The following ANK2 variants were observed in gnomAD, a reference collection of about 807,000 sequenced individuals.
ANK2 encodes the protein ankyrin 2, also known as ankyrin-2.
ANK2 carries 83 observed loss-of-function variants against 360.5 expected under a neutral mutation model. That is an observed-to-expected ratio of 0.23 (90% confidence interval 0.19 to 0.28). The LOEUF (loss-of-function observed/expected upper bound fraction) is 0.28. Among genes scored for constraint, ANK2 ranks in the 10% least tolerant of loss-of-function variants. The pLI is 1.00. For synonymous variants in ANK2, 1,740 were observed against 1,759.5 expected (o/e 0.99, Z 0.28); for missense variants, 4,201 against 4,795.7 (o/e 0.88, Z 3.66).
chr4:113,348,300 G>C lies in ANK2; in HGVS notation c.4396G>C (p.Glu1466Gln). Reference sequence around the variant, plus strand: ...GGAATCAGAGTCAGATCAAGAACAGGAGGAAGAGGTAATTTTATGACAGTG... The same window carrying C: ...GGAATCAGAGTCAGATCAAGAACAGCAGGAAGAGGTAATTTTATGACAGTG... ...TKESESDQEQ[E>Q]EEIDMTSEKN... is the part of the protein sequence containing the mutation. Residue 1466 changes from glutamate (E) to glutamine (Q), a missense_variant, in exon 36 of 46, where the codon GAG becomes CAG. By Grantham distance (29) the Glu-to-Gln change is conservative. Around this residue, in one of 4 missense-constraint regions of ANK2, gnomAD observed 1,268 missense variants for 1,650.8 expected, o/e 0.77. Coordinates refer to ENST00000357077, the MANE Select transcript of ANK2 (RefSeq NM_001148.6). 6.2e-7 allele frequency: 1 copy of C among 1,613,376 alleles called. No individual in the cohort carries two copies. Among genetic ancestry groups the C allele is most frequent in the Non-Finnish European group, 8.5e-7 (1 of 1,179,508 alleles).
intron 2 of ANK2, among the ~76,000 whole-genome samples, chr4:113,020,942 T>C (rs2154297504): frequency 6.7e-6 from 1 of 149,698 alleles, no homozygotes; most frequent in Non-Finnish European, 1.5e-5. Context: ...TATTGCTTTG[T>C]GTTCAGGAAA....
chr4:113,258,744 C>T (rs1000573409), intron 13 of ANK2, among the ~76,000 whole-genome samples: 3 of 152,204 alleles, frequency 2.0e-5, no homozygotes, highest in Admixed American at 6.5e-5. Context: ...ATAATTGGTT[C>T]GAATAGAATC....
intron 15 of ANK2, among the ~76,000 whole-genome samples, chr4:113,276,651 G>A (rs929159990): frequency 6.6e-5 from 10 of 152,236 alleles, no homozygotes; most frequent in South Asian, 2.1e-4. Context: ...TACTTCCTAC[G>A]TTTGTCCCAC....
At chr4:113,126,442 C>T (rs1253060911) in intron 1 of ANK2, among the ~76,000 whole-genome samples, 1 of 152,106 alleles carries the variant, frequency 6.6e-6, no homozygotes, top group African/African-American at 2.4e-5. Flanking sequence ...TTAATTAAAC[C>T]ATGTCACATC....
chr4:113,320,164 A>G (rs1288114476), intron 26 of ANK2, among the ~76,000 whole-genome samples: 1 of 152,236 alleles, frequency 6.6e-6, no homozygotes, highest in African/African-American at 2.4e-5. Flanking sequence ...AGATACACCT[A>G]TAAGTAATTA....
intron 2 of ANK2, among the ~76,000 whole-genome samples, chr4:113,004,085 G>A (rs2051836072): frequency 6.6e-6 from 1 of 152,212 alleles, no homozygotes; most frequent in Admixed American, 6.5e-5. Context: ...TGAGTGGTGA[G>A]TGAATGTGGA....
chr4:112,712,623 G>A, the ANK2 span, among the ~76,000 whole-genome samples: 33 of 150,276 alleles, frequency 2.2e-4, no homozygotes, highest in Non-Finnish European at 4.6e-4. Flanking sequence ...TAGCCAGGAT[G>A]GTCTCGATCT....
intron 1 of ANK2, among the ~76,000 whole-genome samples, chr4:112,857,739 T>C (rs1388691862): frequency 1.3e-5 from 2 of 152,204 alleles, no homozygotes; most frequent in Non-Finnish European, 2.9e-5. Context: ...TGAAGTATCA[T>C]AAAATATGCA....
At chr4:112,829,966 T>TA (rs71591792) in intron 1 of ANK2, among the ~76,000 whole-genome samples, 18,839 of 142,012 alleles carry the variant, frequency 0.13, 1,889 homozygotes, top group East Asian at 0.52. Context: ...CTCAAAAAAA[T>TA]AAAAATAAAA....
intron 2 of ANK2, among the ~76,000 whole-genome samples, chr4:112,987,655 G>A (rs1206960624): frequency 6.6e-6 from 1 of 151,682 alleles, no homozygotes; most frequent in Non-Finnish European, 1.5e-5. Context: ...GGAAAAAAAT[G>A]TAATTCAGGA....
At chr4:113,328,952 C>T (rs1436159068) in intron 26 of ANK2, among the ~76,000 whole-genome samples, 4 of 152,092 alleles carry the variant, frequency 2.6e-5, no homozygotes, top group African/African-American at 9.7e-5. Flanking sequence ...TTTTAAATGT[C>T]GTGGAGGCAA....
chr4:112,744,181 G>A, the ANK2 span, among the ~76,000 whole-genome samples: 1 of 151,970 alleles, frequency 6.6e-6, no homozygotes, highest in East Asian at 1.9e-4. Context: ...ACCTAATAGA[G>A]GTATATTATT....
intron 1 of ANK2, among the ~76,000 whole-genome samples, chr4:113,155,265 TA>T (rs2097242352): frequency 6.6e-6 from 1 of 152,194 alleles, no homozygotes; most frequent in Admixed American, 6.5e-5. Flanking sequence ...ATATATGACA[TA>T]ATCCAATCCA....
At chr4:113,286,590 G>T (rs2064727294) in intron 18 of ANK2, among the ~76,000 whole-genome samples, 1 of 152,206 alleles carries the variant, frequency 6.6e-6, no homozygotes, top group Non-Finnish European at 1.5e-5. Flanking sequence ...GGCCTGAAAA[G>T]TTGTGGTCAA....
chr4:112,999,851 T>C (rs1238148904), intron 2 of ANK2, among the ~76,000 whole-genome samples: 6 of 152,178 alleles, frequency 3.9e-5, no homozygotes, highest in Non-Finnish European at 8.8e-5. Context: ...TTAGAGATGA[T>C]TGAACATCAG....
chr4:113,357,117 A>G lies in ANK2; in HGVS notation c.8499A>G (p.Glu2833=). 6.2e-7 allele frequency: 1 copy of G among 1,614,096 alleles called. No individual in the cohort carries two copies. Among genetic ancestry groups the G allele is most frequent in the Non-Finnish European group, 8.5e-7 (1 of 1,179,970 alleles). The change falls in exon 38 of 46, where the codon GAA becomes GAG. Residue 2833 remains glutamate, a synonymous_variant. Transcript: ENST00000357077. Reference sequence around the variant, plus strand: ...AAGAGCTTGATGTTTCTAGAGCAGAATCTCCACAAGCAGATTGCCCCAGTG... The same window carrying G: ...AAGAGCTTGATGTTTCTAGAGCAGAGTCTCCACAAGCAGATTGCCCCAGTG... ...EGEELDVSRA[E]SPQADCPSES...
rs753223319 is a variant in ANK2 at position 113,356,758 on chromosome 4, G to C, written c.8140G>C (p.Val2714Leu). ...AGAAGAAGTACAATTCCAGCCTGTC[G>C]TTTCCAAACAATATACTTTCAAGAT... is the stretch of plus-strand genomic sequence containing the variant. Reference protein sequence around the residue: ...SPEEVQFQPVVSKQYTFKMNE... With the variant: ...SPEEVQFQPVLSKQYTFKMNE... The change falls in exon 38 of 46, where the codon GTT becomes CTT. Residue 2714 changes from valine (V) to leucine (L), a missense_variant. Physicochemically the swap from Val to Leu is conservative, Grantham distance 32. This residue lies in a region of ANK2 where 2,642 missense variants were observed against 2,714.5 expected (regional missense o/e 0.97). Transcript: ENST00000357077. The C allele has an allele frequency of 6.2e-7, 1 of 1,614,088 alleles. No homozygotes were observed. Among genetic ancestry groups the C allele is most frequent in the Non-Finnish European group, 8.5e-7 (1 of 1,179,974 alleles).
At position 113,355,067 on chromosome 4, in the gene ANK2, A is replaced by T; in HGVS notation, c.6449A>T (p.Tyr2150Phe). 6.2e-7 allele frequency: 1 copy of T among 1,614,142 alleles called. No individual in the cohort carries two copies. The highest frequency in any genetic ancestry group is 8.5e-7 in the Non-Finnish European group (1 of 1,179,990). ...IKQELEDNDK[Y>F]QQFRLSEETE... ...CAAGAGTTGGAAGACAATGACAAAT[A>T]CCAACAATTCCGCCTGAGTGAGGAG... The change falls in exon 38 of 46, where the codon TAC becomes TTC. Residue 2150 changes from tyrosine to phenylalanine, a missense_variant. Physicochemically the swap from Tyr to Phe is conservative, Grantham distance 22 (BLOSUM62 3). Coordinates refer to ENST00000357077, the MANE Select transcript of ANK2 (RefSeq NM_001148.6).
chr4:113,359,290 C>T lies in ANK2; in HGVS notation c.10672C>T (p.His3558Tyr), dbSNP rs1280167255. 2 of 1,613,774 alleles carry T rather than the reference C, an allele frequency of 1.2e-6. No homozygotes were observed. Among genetic ancestry groups the T allele is most frequent in the South Asian group, 2.2e-5 (2 of 91,056 alleles). Residue 3558 changes from histidine to tyrosine, a missense_variant, in exon 38 of 46, where the codon CAT (histidine) becomes TAT (tyrosine). Physicochemically the swap from His to Tyr is moderately conservative, Grantham distance 83 (BLOSUM62 2). Coordinates refer to ENST00000357077, the MANE Select transcript of ANK2 (RefSeq NM_001148.6). ...CATCCCTGATGAAAATGGCCATGAC[C>T]ATGCTGAAGGTATTTGCCAGCCACC... ...ERIPDENGHD[H>Y]AEDPQDEQER...
Sources: gnomAD v4.1 joint callset for allele counts (sites outside exome capture counted in the v4.1 genomes callset) on GRCh38, gnomAD v4.1.1 for gene constraint, gnomAD v4.1.1 regional missense constraint, MANE v1.5 for transcripts, NCBI Gene and HGNC (gene_info 2026-07-23, HGNC 2026-07-21) for gene names.